Variants in VAPA observed in about 807,000 individuals in gnomAD.
The protein encoded by VAPA is VAMP associated protein A.
In VAPA, 6 loss-of-function variants were observed where a neutral mutation model predicts 25.6. The ratio of observed to expected loss-of-function variants is 0.23; its 90% CI spans 0.13 to 0.46. The LOEUF (loss-of-function observed/expected upper bound fraction) is 0.46. Among genes scored for constraint, VAPA ranks in the 20% least tolerant of loss-of-function variants. The pLI is 0.99. For synonymous variants in VAPA, 112 were observed against 106.2 expected (o/e 1.05, Z -0.34); for missense variants, 244 against 302.1 (o/e 0.81, Z 1.43).
Position 9,914,485 on chromosome 18 carries a change from T to C in VAPA, c.79+150T>C, listed in dbSNP as rs1487986421. 509 of 585,212 alleles carry C rather than the reference T, an allele frequency of 8.7e-4. 3 individuals are homozygous for C. The highest frequency in any genetic ancestry group is 9.3e-5 in the Non-Finnish European group (35 of 375,264). The allele number at this position is 585,212 out of a possible 1,614,324, so 36.3% of individuals were successfully genotyped here. On this transcript the variant is annotated intron_variant, in intron 1 of 5. Transcript: ENST00000400000. ...CGCCTTCCCTTTCCCGGCTGCTTTC[T>C]TGCCGCCACCTCGGCCGGCCTGCCC...
At chr18:9,918,587 A>G (rs1025274290) in intron 1 of VAPA, among the ~76,000 whole-genome samples, 18 of 151,998 alleles carry the variant, frequency 1.2e-4, no homozygotes, top group African/African-American at 4.3e-4. Flanking sequence ...TATTTGCTCC[A>G]TTTATTGTCT....
At chr18:9,952,226 C>G (rs1413324267) in intron 5 of VAPA, among the ~76,000 whole-genome samples, 1 of 152,004 alleles carries the variant, frequency 6.6e-6, no homozygotes, top group African/African-American at 2.4e-5. Context: ...TGCTAGTGTT[C>G]TGTATGAGAT....
intron 4 of VAPA, among the ~76,000 whole-genome samples, chr18:9,938,450 T>G (rs550248392): frequency 1.3e-5 from 2 of 152,294 alleles, no homozygotes; most frequent in African/African-American, 4.8e-5. Context: ...TTACACATCT[T>G]GGGTGAAAAG....
intron 4 of VAPA, among the ~76,000 whole-genome samples, chr18:9,940,955 G>A (rs2069361236): frequency 6.6e-6 from 1 of 152,168 alleles, no homozygotes; most frequent in African/African-American, 2.4e-5. Context: ...AAACACAATT[G>A]TGTTTTTATA....
chr18:9,914,261 C>T lies in VAPA; in HGVS notation c.5C>T (p.Ala2Val). 6.3e-7 allele frequency: 1 copy of T among 1,582,072 alleles called. No homozygotes were observed. Among genetic ancestry groups the T allele is most frequent in the Non-Finnish European group, 8.6e-7 (1 of 1,166,014 alleles). The change falls in exon 1 of 6, where the codon GCG becomes GTG. Residue 2 changes from alanine to valine, a missense_variant. Ala to Val is a moderately conservative substitution (Grantham distance 64, BLOSUM62 0). This residue lies in a region of VAPA where 99 missense variants were observed against 161.6 expected (regional missense o/e 0.61). Transcript: ENST00000400000. Reference sequence around the variant, plus strand: ...CCGCTCTGCGCTGTCTCTCCGATGGCGTCCGCCTCAGGGGCCATGGCGAAG... The same window carrying T: ...CCGCTCTGCGCTGTCTCTCCGATGGTGTCCGCCTCAGGGGCCATGGCGAAG... M[A>V]SASGAMAKHE...
chr18:9,955,040 GA>G lies in VAPA; in HGVS notation c.*833del, dbSNP rs2069532697. The G allele has an allele frequency of 6.6e-6, 1 of 152,142 alleles. No homozygotes were observed. The highest frequency in any genetic ancestry group is 2.4e-5 in the African/African-American group (1 of 41,446). The allele number at this position is 152,142 out of a possible 1,614,324, so 9.4% of individuals were successfully genotyped here. A position where few individuals can be genotyped will look rare whatever the true frequency, so the allele number is the denominator to read the frequency against. On this transcript the variant is annotated 3_prime_UTR_variant, in exon 6 of 6. Coordinates refer to ENST00000400000, the MANE Select transcript of VAPA (RefSeq NM_194434.3). ...TAATCAGTTTGTTTTCAAGATAATA[GA>G]AAATAAGGTCCATGAGAATAGAAGT...
At chr18:9,944,795 C>A in intron 4 of VAPA, 1 of 1,142,306 alleles carries the variant, frequency 8.8e-7, no homozygotes, top group Non-Finnish European at 1.2e-6. Context: ...GTTTCTTATG[C>A]ATTAATGCAT....
chr18:9,944,715 A>G lies in VAPA; in HGVS notation c.418-5680A>G, dbSNP rs3025589. On this transcript the variant is annotated intron_variant, in intron 4 of 5. Coordinates refer to ENST00000400000, the MANE Select transcript of VAPA (RefSeq NM_194434.3). Reference sequence around the variant, plus strand: ...ATGTAATGCAAGTAGATTATAACTAATTTTGTTTGGGAAATACAAAAAGCG... The same window carrying G: ...ATGTAATGCAAGTAGATTATAACTAGTTTTGTTTGGGAAATACAAAAAGCG... Among the ~76,000 whole-genome samples, 138 of 152,390 alleles carry G rather than the reference A, an allele frequency of 9.1e-4. No individual in the cohort carries two copies. The Middle Eastern group carries it at 0.01, about 11-fold the overall frequency.
chr18:9,915,566 A>G (rs74544606), intron 1 of VAPA, among the ~76,000 whole-genome samples: 8,734 of 152,252 alleles, frequency 0.057, 284 homozygotes, highest in South Asian at 0.14. Flanking sequence ...TTGTATTTCA[A>G]TTGTTGAATG....
chr18:9,920,004 GAGAA>G (rs1450725482), intron 1 of VAPA, among the ~76,000 whole-genome samples: 7 of 152,122 alleles, frequency 4.6e-5, no homozygotes, highest in Admixed American at 2.6e-4. Context: ...TGTGCACTGA[GAGAA>G]AAGGGTATGA....
At chr18:9,937,218 CTTT>C (rs10642192) in intron 4 of VAPA, 152 bp downstream of exon 4, 18 of 205,230 alleles carry the variant, frequency 8.8e-5, no homozygotes, top group South Asian at 1.3e-4. Flanking sequence ...CTTGGTATGC[CTTT>C]TTTTTTTTTT....
At chr18:9,939,320 C>T (rs914692867) in intron 4 of VAPA, among the ~76,000 whole-genome samples, 8 of 151,692 alleles carry the variant, frequency 5.3e-5, no homozygotes, top group African/African-American at 1.2e-4. Flanking sequence ...TACAGGTGCA[C>T]GCCTGGCTAA....
chr18:9,917,888 C>G (rs895940019), intron 1 of VAPA, among the ~76,000 whole-genome samples: 1 of 152,150 alleles, frequency 6.6e-6, no homozygotes, highest in Non-Finnish European at 1.5e-5. Flanking sequence ...TCATGTTTCC[C>G]AGTGGCTATA....
intron 1 of VAPA, among the ~76,000 whole-genome samples, chr18:9,918,559 A>G (rs889612234): frequency 4.6e-5 from 7 of 152,072 alleles, no homozygotes; most frequent in Admixed American, 2.0e-4. Context: ...CTATAACAGC[A>G]TTGTCTTCTA....
Position 9,937,469 on chromosome 18 carries a change from G to GT in VAPA, c.417+406dup, listed in dbSNP as rs147048977. On this transcript the variant is annotated intron_variant, in intron 4 of 5. Transcript: ENST00000400000. The stretch of plus-strand genomic sequence containing the variant: ...CACTTACATGGACAGTTTATTCCAG[G>GT]TTTAGTTATTCCTAGGTATTTTGCT... 7.3e-3 allele frequency among the ~76,000 whole-genome samples: 1,107 copies of GT among 152,170 alleles called. 14 individuals are homozygous for GT. Among genetic ancestry groups the GT allele is most frequent in the African/African-American group, 0.026 (1,062 of 41,504 alleles).
chr18:9,934,297 CTTG>C lies in VAPA; in HGVS notation c.233-1810_233-1808del, dbSNP rs200707385. Among the ~76,000 whole-genome samples, 1,373 of 152,220 alleles carry C rather than the reference CTTG, an allele frequency of 9.0e-3. 5 individuals are homozygous for C. The highest frequency in any genetic ancestry group is 0.013 in the Non-Finnish European group (880 of 68,016). On this transcript the variant is annotated intron_variant, in intron 2 of 5. Transcript: ENST00000400000. The stretch of plus-strand genomic sequence containing the variant: ...TATATGTTTTCAAGATCGTCTTTGT[CTTG>C]TTATGTGGTCTGCAACCTAAATTAG...
At chr18:9,936,398 T>G in intron 3 of VAPA, 185 bp downstream of exon 3, 1 of 425,874 alleles carries the variant, frequency 2.3e-6, no homozygotes, top group South Asian at 5.4e-5. Flanking sequence ...ATAGTATTTT[T>G]TTTTAGAAAC....
chr18:9,954,369 G>GAAAACAC lies in VAPA; in HGVS notation c.*161_*167dup. The GAAAACAC allele has an allele frequency of 1.6e-6, 1 of 632,340 alleles. No homozygotes were observed. The highest frequency in any genetic ancestry group is 2.7e-6 in the Non-Finnish European group (1 of 373,592). 39.2% of individuals were successfully genotyped at this position (632,340 alleles called of 1,614,324 possible). A position where few individuals can be genotyped will look rare whatever the true frequency, so the allele number is the denominator to read the frequency against. ...TGCCTTTAATGATCTCTTACGGTTAGAAAACACAATAAAAACAAACTGTTC... is the reference window on the plus strand; with the variant it reads ...TGCCTTTAATGATCTCTTACGGTTAGAAAACACAAAACACAATAAAAACAAACTGTTC... On this transcript the variant is annotated 3_prime_UTR_variant, in exon 6 of 6. Coordinates refer to ENST00000400000, the MANE Select transcript of VAPA (RefSeq NM_194434.3).
chr18:9,957,717 T>G lies in VAPA; in HGVS notation c.*3506T>G, dbSNP rs1397572322. The G allele has an allele frequency of 1.3e-5, 2 of 152,318 alleles. No homozygotes were observed. Among genetic ancestry groups the G allele is most frequent in the East Asian group, 3.9e-4 (2 of 5,184 alleles). The allele number at this position is 152,318 out of a possible 1,614,324, so 9.4% of individuals were successfully genotyped here. A position where few individuals can be genotyped will look rare whatever the true frequency, so the allele number is the denominator to read the frequency against. On this transcript the variant is annotated 3_prime_UTR_variant, in exon 6 of 6. Coordinates refer to ENST00000400000, the MANE Select transcript of VAPA (RefSeq NM_194434.3). Reference sequence around the variant, plus strand: ...TGAAGTGTCCTTTTCCTTTTCACAATACAAAAAAAATTTCAACAGATTGTG... The same window carrying G: ...TGAAGTGTCCTTTTCCTTTTCACAAGACAAAAAAAATTTCAACAGATTGTG...
Sources: allele counts gnomAD v4.1 joint callset (sites outside exome capture counted in the v4.1 genomes callset), GRCh38; gene constraint gnomAD v4.1.1; regional missense constraint gnomAD v4.1.1; transcripts MANE v1.5; gene names NCBI Gene and HGNC (gene_info 2026-07-23, HGNC 2026-07-21).